The following SGCD variants were observed in gnomAD, a reference collection of about 807,000 sequenced individuals.
SGCD encodes the protein delta-sarcoglycan.
Under a neutral mutation model 36.6 loss-of-function variants are expected in SGCD, and 18 were observed. The ratio of observed to expected loss-of-function variants is 0.49; its 90% CI spans 0.34 to 0.73. The LOEUF is 0.73. SGCD is among the 30% of genes least tolerant of loss of function. The pLI, the probability that SGCD is intolerant of heterozygous loss-of-function variation, is 0.01. For synonymous variants in SGCD, 133 were observed against 130.6 expected (o/e 1.02, Z -0.12); for missense variants, 387 against 346.7 (o/e 1.12, Z -0.92).
chr5:156,337,952 A>T (rs1035787843), intron 2 of SGCD, among the ~76,000 whole-genome samples: 1 of 152,032 alleles, frequency 6.6e-6, no homozygotes, highest in East Asian at 1.9e-4. Context: ...CACAGCACCT[A>T]CCCCCATAAA....
intron 3 of SGCD, among the ~76,000 whole-genome samples, chr5:156,301,431 TTG>T (rs2127684557): frequency 6.6e-6 from 1 of 152,204 alleles, no homozygotes; most frequent in Admixed American, 6.5e-5. Flanking sequence ...ATAACCTTTG[TTG>T]TTTCTCTTTA....
At chr5:156,484,097 GA>G (rs1755557220) in intron 3 of SGCD, among the ~76,000 whole-genome samples, 1 of 152,128 alleles carries the variant, frequency 6.6e-6, no homozygotes, top group African/African-American at 2.4e-5. Flanking sequence ...AGACCTAAGG[GA>G]AATTACTCTG....
At chr5:156,735,928 G>T (rs1406880738) in intron 7 of SGCD, among the ~76,000 whole-genome samples, 1 of 152,180 alleles carries the variant, frequency 6.6e-6, no homozygotes, top group East Asian at 1.9e-4. Context: ...TCAGACTGAA[G>T]GCCCTGGTGG....
intron 3 of SGCD, among the ~76,000 whole-genome samples, chr5:156,210,896 T>C (rs1764423164): frequency 6.6e-6 from 1 of 152,068 alleles, no homozygotes; most frequent in African/African-American, 2.4e-5. Flanking sequence ...AAAGCTTATT[T>C]AAAGAAATAA....
At chr5:156,671,272 CTTTTT>C (rs35299523) in intron 7 of SGCD, among the ~76,000 whole-genome samples, 3 of 104,414 alleles carry the variant, frequency 2.9e-5, no homozygotes. Context: ...TCTATTGATT[CTTTTT>C]TTTTTTTTTT....
intron 3 of SGCD, among the ~76,000 whole-genome samples, chr5:156,401,472 C>T (rs1323327795): frequency 6.6e-6 from 1 of 152,160 alleles, no homozygotes; most frequent in Non-Finnish European, 1.5e-5. Context: ...CCTAATTAGC[C>T]TAATTACAGA....
upstream of SGCD, among the ~76,000 whole-genome samples, chr5:156,322,446 C>G (rs1351308267): frequency 6.6e-6 from 1 of 152,084 alleles, no homozygotes; most frequent in African/African-American, 2.4e-5. Context: ...CAGGCTGGGT[C>G]TCTGCCCTCA....
At chr5:156,138,830 T>G (rs147462142) in intron 3 of SGCD, among the ~76,000 whole-genome samples, 44 of 152,340 alleles carry the variant, frequency 2.9e-4, no homozygotes, top group African/African-American at 1.0e-3. Context: ...AATTATTCTA[T>G]TTTCTTGTCA....
At chr5:156,627,446 T>C (rs1026133738) in intron 6 of SGCD, among the ~76,000 whole-genome samples, 9 of 152,210 alleles carry the variant, frequency 5.9e-5, no homozygotes, top group Admixed American at 2.0e-4. Flanking sequence ...TTTAATGGAA[T>C]CTTCTTATAA....
intron 4 of SGCD, among the ~76,000 whole-genome samples, chr5:156,577,829 G>A (rs1014547084): frequency 6.6e-6 from 1 of 152,132 alleles, no homozygotes; most frequent in African/African-American, 2.4e-5. Flanking sequence ...GAGGCAATGG[G>A]GTTTTCTAAA....
chr5:156,077,330 C>T (rs751377825), intron 1 of SGCD, among the ~76,000 whole-genome samples: 3 of 152,280 alleles, frequency 2.0e-5, no homozygotes, highest in Middle Eastern at 3.4e-3. Flanking sequence ...ATTTCCCCCT[C>T]TTCTCAGTTA....
At chr5:156,681,784 A>G (rs1376567521) in intron 7 of SGCD, among the ~76,000 whole-genome samples, 1 of 152,244 alleles carries the variant, frequency 6.6e-6, no homozygotes, top group Non-Finnish European at 1.5e-5. Flanking sequence ...TACCATAGTC[A>G]TCATTAGAAT....
At position 156,113,448 on chromosome 5, in the gene SGCD, C is replaced by T. The variant is rs371072496; in HGVS notation, c.-281-4430C>T. On this transcript the variant is annotated intron_variant, in intron 1 of 9. Coordinates refer to the SGCD transcript ENST00000517913. ...AAAATTCCTGACCTCAGAGATCTTA[C>T]AGTTGAGTGGCTTTTGAGGTACAGA... is the stretch of plus-strand genomic sequence containing the variant. 1.4e-4 allele frequency among the ~76,000 whole-genome samples: 22 copies of T among 152,228 alleles called. 1 individual carries two copies. In the East Asian group the frequency reaches 4.1e-3, roughly 28 times the overall value.
the SGCD span, among the ~76,000 whole-genome samples, chr5:155,851,306 A>G: frequency 6.6e-6 from 1 of 152,174 alleles, no homozygotes; most frequent in African/African-American, 2.4e-5. Flanking sequence ...GAGGAACTCA[A>G]GAGGGACTGG....
chr5:156,453,742 C>A (rs1754128244), intron 3 of SGCD, among the ~76,000 whole-genome samples: 1 of 152,060 alleles, frequency 6.6e-6, no homozygotes, highest in Non-Finnish European at 1.5e-5. Flanking sequence ...GAATAAAAAA[C>A]AAACAAACAA....
In SGCD at chr5:156,491,494, T is replaced by G. The variant is rs377091366; in HGVS notation, c.193-17107T>G. Among the ~76,000 whole-genome samples, 28 of 152,258 alleles carry G rather than the reference T, an allele frequency of 1.8e-4. No individual in the cohort carries two copies. In the East Asian group the frequency reaches 2.1e-3, roughly 12 times the overall value. On this transcript the variant is annotated intron_variant, in intron 3 of 8. Coordinates refer to ENST00000337851, the MANE Select transcript of SGCD (RefSeq NM_000337.6). ...TGACATTCTTATAAAAATGGACACATAGACCAGTGTAGTAGAATAGAGAAT... is the reference window on the plus strand; with the variant it reads ...TGACATTCTTATAAAAATGGACACAGAGACCAGTGTAGTAGAATAGAGAAT...
At chr5:155,921,685 G>C (rs949330303) in intron 1 of SGCD, among the ~76,000 whole-genome samples, 1 of 152,000 alleles carries the variant, frequency 6.6e-6, no homozygotes, top group African/African-American at 2.4e-5. Context: ...CTGAACTCAG[G>C]CAAAAAGCAA....
Position 155,915,533 on chromosome 5 carries a change from T to C in SGCD, c.-282+45109T>C, listed in dbSNP as rs769604316. On this transcript the variant is annotated intron_variant, in intron 1 of 9. Transcript: ENST00000517913. ...ATGAAATCCATAAAATCAAAATTAA[T>C]CAATGTTTAATTAAATGTCTACAAA... Among the ~76,000 whole-genome samples the C allele has an allele frequency of 2.6e-5, 4 of 152,292 alleles. 1 individual carries two copies. In the East Asian group the frequency reaches 5.8e-4, roughly 22 times the overall value.
chr5:155,834,204 C>T, the SGCD span, among the ~76,000 whole-genome samples: 4 of 151,656 alleles, frequency 2.6e-5, no homozygotes, highest in Admixed American at 2.6e-4. Flanking sequence ...AGACTAAATA[C>T]TCCAAGGCAG....
Sources: gnomAD v4.1 joint callset for allele counts (sites outside exome capture counted in the v4.1 genomes callset) on GRCh38, gnomAD v4.1.1 for gene constraint, MANE v1.5 for transcripts, NCBI Gene and HGNC (gene_info 2026-07-23, HGNC 2026-07-21) for gene names.